Variants in KLF12 observed in about 807,000 individuals in gnomAD.
The protein encoded by KLF12 is KLF transcription factor 12, also known as Krueppel-like factor 12.
A neutral mutation model predicts 37.8 loss-of-function variants in KLF12; 9 were observed. The observed-to-expected ratio is 0.24, with a 90% CI of 0.14 to 0.42. The LOEUF is 0.42. Among genes scored for constraint, KLF12 ranks in the 10% least tolerant of loss-of-function variants. The probability of loss-of-function intolerance (pLI) is 1.00; values close to 1 mark genes in which losing one functional copy is unlikely to be tolerated. For synonymous variants in KLF12, 208 were observed against 202.1 expected, an observed-to-expected ratio of 1.03 and a Z score of -0.25; for missense variants, 411 against 516.0, an observed-to-expected ratio of 0.80 and a Z score of 1.97.
At chr13:74,027,589 G>T (rs1372921182) in intron 1 of KLF12, among the ~76,000 whole-genome samples, 2 of 152,064 alleles carry the variant, frequency 1.3e-5, no homozygotes, top group African/African-American at 4.8e-5. Context: ...TTCCACTCAG[G>T]CTATTTATAA....
At chr13:74,185,725 C>A in the KLF12 span, among the ~76,000 whole-genome samples, 17 of 152,062 alleles carry the variant, frequency 1.1e-4, no homozygotes, top group African/African-American at 4.1e-4. Context: ...CGGCTCACTG[C>A]AACCTCCACC....
chr13:73,841,122 C>T (rs959971529), intron 4 of KLF12, among the ~76,000 whole-genome samples: 5 of 152,138 alleles, frequency 3.3e-5, no homozygotes, highest in African/African-American at 1.2e-4. Flanking sequence ...AATGTAAGGT[C>T]CCTGACAGTA....
At chr13:73,915,374 T>C (rs1162503306) in intron 3 of KLF12, among the ~76,000 whole-genome samples, 1 of 152,188 alleles carries the variant, frequency 6.6e-6, no homozygotes, top group Non-Finnish European at 1.5e-5. Context: ...AGGTCACTAT[T>C]CAGCCTCCCA....
In KLF12 at chr13:73,695,366, G is replaced by A. The variant is rs755021205; in HGVS notation, c.*124C>T. The A allele has an allele frequency of 4.6e-5, 42 of 913,534 alleles. No individual in the cohort carries two copies. Among genetic ancestry groups the A allele is most frequent in the Non-Finnish European group, 5.6e-5 (34 of 602,044 alleles). The allele number at this position is 913,534 out of a possible 1,614,324, so 56.6% of individuals were successfully genotyped here. ...AAGTGTGCCTTCTTTTTCCTGCTCT[G>A]GTTTCAGACATCGTGGGATGGTGAT... On this transcript the variant is annotated 3_prime_UTR_variant, in exon 8 of 8. Coordinates refer to ENST00000377669, the MANE Select transcript of KLF12 (RefSeq NM_007249.5).
At chr13:74,198,350 A>G in the KLF12 span, among the ~76,000 whole-genome samples, 18 of 152,196 alleles carry the variant, frequency 1.2e-4, no homozygotes, top group South Asian at 3.5e-3. Flanking sequence ...GAATGGTAGG[A>G]TTTTTCTTCC....
intron 4 of KLF12, among the ~76,000 whole-genome samples, chr13:73,830,698 T>C (rs1251485239): frequency 6.6e-6 from 1 of 152,194 alleles, no homozygotes; most frequent in East Asian, 1.9e-4. Flanking sequence ...AAATTACTAC[T>C]ACCACAACGA....
rs556480855 is a variant in KLF12 at position 73,878,217 on chromosome 13, A to C, written c.124-31844T>G. Among the ~76,000 whole-genome samples the C allele has an allele frequency of 1.5e-4, 23 of 152,294 alleles. 1 individual carries two copies. Among genetic ancestry groups the C allele is most frequent in the South Asian group, 4.1e-4 (2 of 4,824 alleles). Reference sequence around the variant, plus strand: ...GCATGAACTCAAAGTAAATTTAATTAAATTATCTATTCCACAACCTCTCTT... The same window carrying C: ...GCATGAACTCAAAGTAAATTTAATTCAATTATCTATTCCACAACCTCTCTT... On this transcript the variant is annotated intron_variant, in intron 3 of 7. Transcript: ENST00000377669.
chr13:74,059,029 A>G (rs767035594), intron 1 of KLF12, among the ~76,000 whole-genome samples: 1 of 152,224 alleles, frequency 6.6e-6, no homozygotes, highest in Non-Finnish European at 1.5e-5. Flanking sequence ...CACTTATAAG[A>G]ACATGCAGTA....
chr13:74,221,767 G>T, the KLF12 span, among the ~76,000 whole-genome samples: 4 of 152,102 alleles, frequency 2.6e-5, no homozygotes, highest in African/African-American at 9.7e-5. Flanking sequence ...TCACCTGAGG[G>T]GTGCATGATC....
At chr13:74,015,697 T>C (rs562901481) in intron 1 of KLF12, among the ~76,000 whole-genome samples, 1 of 152,206 alleles carries the variant, frequency 6.6e-6, no homozygotes, top group Non-Finnish European at 1.5e-5. Context: ...AAAACACTAT[T>C]ACCCAACCTA....
chr13:74,137,242 AT>A (rs1878588821), upstream of KLF12, among the ~76,000 whole-genome samples: 2 of 152,212 alleles, frequency 1.3e-5, no homozygotes, highest in East Asian at 3.8e-4. Flanking sequence ...AAGATGGCAA[AT>A]TTATTTCATC....
At chr13:73,765,219 CATA>C (rs534982095) in intron 5 of KLF12, among the ~76,000 whole-genome samples, 144 of 152,188 alleles carry the variant, frequency 9.5e-4, no homozygotes, top group African/African-American at 3.2e-3. Context: ...ACAGGTCTGT[CATA>C]ATGTTCACTC....
At chr13:74,161,077 T>A in the KLF12 span, among the ~76,000 whole-genome samples, 1 of 151,816 alleles carries the variant, frequency 6.6e-6, no homozygotes, top group Non-Finnish European at 1.5e-5. Context: ...TCTTTTTTTT[T>A]TTTTTTTAAT....
intron 3 of KLF12, among the ~76,000 whole-genome samples, chr13:73,860,368 A>G (rs1885855517): frequency 6.6e-6 from 1 of 152,148 alleles, no homozygotes; most frequent in Non-Finnish European, 1.5e-5. Flanking sequence ...CCCCAGTACA[A>G]AGTAAGCACT....
chr13:74,182,254 C>T, the KLF12 span, among the ~76,000 whole-genome samples: 58 of 152,304 alleles, frequency 3.8e-4, no homozygotes, highest in African/African-American at 1.4e-3. Flanking sequence ...GGAACAACTT[C>T]ATTTTCTTTT....
At chr13:73,900,746 A>G (rs1888001056) in intron 3 of KLF12, among the ~76,000 whole-genome samples, 1 of 152,210 alleles carries the variant, frequency 6.6e-6, no homozygotes, top group Non-Finnish European at 1.5e-5. Context: ...TCAAATGTCT[A>G]CATGTTTTTC....
chr13:74,174,589 A>C, the KLF12 span, among the ~76,000 whole-genome samples: 1 of 152,046 alleles, frequency 6.6e-6, no homozygotes, highest in Non-Finnish European at 1.5e-5. Context: ...ACTGAAAGGC[A>C]TTCACTGATG....
chr13:73,903,642 A>G (rs1222293430), intron 3 of KLF12, among the ~76,000 whole-genome samples: 2 of 152,020 alleles, frequency 1.3e-5, no homozygotes, highest in Non-Finnish European at 2.9e-5. Context: ...AAGTATCACA[A>G]TCTTCAACTA....
chr13:74,115,524 G>C (rs911275926), intron 1 of KLF12, among the ~76,000 whole-genome samples: 1 of 152,084 alleles, frequency 6.6e-6, no homozygotes, highest in African/African-American at 2.4e-5. Context: ...GGTCAACAGG[G>C]TGAAACCCTG....
Sources: allele counts gnomAD v4.1 joint callset (sites outside exome capture counted in the v4.1 genomes callset), GRCh38; gene constraint gnomAD v4.1.1; transcripts MANE v1.5; gene names NCBI Gene and HGNC (gene_info 2026-07-23, HGNC 2026-07-21).